LYSMD3: variants seen among roughly 807,000 people sequenced by gnomAD.
LYSMD3 encodes LysM domain containing 3.
In LYSMD3, 13 loss-of-function variants were observed where a neutral mutation model predicts 26.1. The ratio of observed to expected loss-of-function variants is 0.50; its 90% CI spans 0.32 to 0.79. The LOEUF (loss-of-function observed/expected upper bound fraction) is 0.79. Among genes scored for constraint, LYSMD3 ranks in the 30% least tolerant of loss-of-function variants. LYSMD3 has a pLI of 0.03. For missense variants in LYSMD3, 331 were observed against 362.5 expected (o/e 0.91, Z 0.71); for synonymous variants, 109 against 119.4 (o/e 0.91, Z 0.57).
chr5:90,522,947 A>G (rs257850), intron 2 of LYSMD3, among the ~76,000 whole-genome samples: 90,320 of 152,020 alleles, frequency 0.59, 27,548 homozygotes, highest in African/African-American at 0.73. Context: ...TTCCCTAAGA[A>G]AATTTTCTAG....
At chr5:90,523,340 TAAG>T (rs1319912022) in intron 2 of LYSMD3, among the ~76,000 whole-genome samples, 1 of 151,872 alleles carries the variant, frequency 6.6e-6, no homozygotes, top group Non-Finnish European at 1.5e-5. Flanking sequence ...TGAATTGTAA[TAAG>T]AAATGTGAAT....
intron 1 of LYSMD3, 23 bp from the exon 2 acceptor site, chr5:90,525,323 A>T: frequency 6.4e-7 from 1 of 1,558,656 alleles, no homozygotes; most frequent in Non-Finnish European, 8.6e-7. Context: ...AAAAGCAGAG[A>T]AAATTTTGGA....
chr5:90,529,542 T>C lies in LYSMD3; in HGVS notation c.-106A>G. 4.4e-6 allele frequency: 2 copies of C among 456,588 alleles called. No individual in the cohort carries two copies. Among genetic ancestry groups the C allele is most frequent in the Non-Finnish European group, 8.8e-6 (2 of 226,948 alleles). The allele number at this position is 456,588 out of a possible 1,614,324, so 28.3% of individuals were successfully genotyped here. On this transcript the variant is annotated 5_prime_UTR_variant, in exon 1 of 3. Coordinates refer to ENST00000315948, the MANE Select transcript of LYSMD3 (RefSeq NM_198273.2). ...TAAGTTCATGGCCGAGCCTCTGCTT[T>C]GGGCTGACCCCGTCCGCCTCCGCCT...
At chr5:90,520,921 A>C (rs79411200) in intron 2 of LYSMD3, among the ~76,000 whole-genome samples, 1 of 151,882 alleles carries the variant, frequency 6.6e-6, no homozygotes, top group African/African-American at 2.4e-5. Context: ...TCCATCTCAA[A>C]AAAAAAAAAA....
Position 90,529,568 on chromosome 5 carries a change from C to A in LYSMD3, c.-132G>T, listed in dbSNP as rs958531911. On this transcript the variant is annotated 5_prime_UTR_variant, in exon 1 of 3. Coordinates refer to ENST00000315948, the MANE Select transcript of LYSMD3 (RefSeq NM_198273.2). ...GGGCTGACCCCGTCCGCCTCCGCCTCTGCCGCCAACGTCTCCGCCTTCCGG... is the reference window on the plus strand; with the variant it reads ...GGGCTGACCCCGTCCGCCTCCGCCTATGCCGCCAACGTCTCCGCCTTCCGG... The A allele has an allele frequency of 1.5e-5, 7 of 456,146 alleles. No individual in the cohort carries two copies. The Admixed American group carries it at 1.6e-4, about 11-fold the overall frequency. The allele number at this position is 456,146 out of a possible 1,614,324, so 28.3% of individuals were successfully genotyped here.
intron 2 of LYSMD3, among the ~76,000 whole-genome samples, chr5:90,520,784 TG>T (rs1397413099): frequency 6.6e-6 from 1 of 151,906 alleles, no homozygotes; most frequent in Non-Finnish European, 1.5e-5. Context: ...CCAGGCATGG[TG>T]GTGCATGCCT....
In LYSMD3 at chr5:90,524,109, A is replaced by G. The variant is rs573242681; in HGVS notation, c.255+926T>C. 2.5e-4 allele frequency among the ~76,000 whole-genome samples: 38 copies of G among 152,328 alleles called. No homozygotes were observed. In the Middle Eastern group the frequency reaches 0.014, roughly 55 times the overall value. On this transcript the variant is annotated intron_variant, in intron 2 of 2. Transcript: ENST00000315948. ...TTGCCACACAAGGTAAAACACCAAG[A>G]AAATCCTGAGTATCAATTAATAGGG... is the stretch of plus-strand genomic sequence containing the variant.
intron 1 of LYSMD3, among the ~76,000 whole-genome samples, chr5:90,527,368 C>T (rs1227353848): frequency 6.6e-6 from 1 of 150,876 alleles, no homozygotes; most frequent in Non-Finnish European, 1.5e-5. Flanking sequence ...TGGTGATGTG[C>T]TTAGGTACCC....
chr5:90,520,980 G>A (rs529013511), intron 2 of LYSMD3, among the ~76,000 whole-genome samples: 4 of 151,710 alleles, frequency 2.6e-5, no homozygotes, highest in African/African-American at 9.7e-5. Context: ...ACTAGAAAAA[G>A]CCTGAGAGAA....
rs1338921529 is a variant in LYSMD3 at position 90,525,278 on chromosome 5, C to T, written c.12G>A (p.Arg4=). Residue 4 remains arginine, a synonymous_variant, in exon 2 of 3, where the codon AGG becomes AGA. Transcript: ENST00000315948. MAG[R]HQNRSFPLPG... The stretch of plus-strand genomic sequence containing the variant: ...GAAGAGGAAAACTACGATTCTGATG[C>T]CTCCCTGCCATAATGTTAAAATCTG... 6.3e-7 allele frequency: 1 copy of T among 1,598,540 alleles called. No individual in the cohort carries two copies. Among genetic ancestry groups the T allele is most frequent in the Admixed American group, 1.8e-5 (1 of 56,726 alleles).
At chr5:90,520,485 A>T (rs1753064392) in intron 2 of LYSMD3, 1 of 436,098 alleles carries the variant, frequency 2.3e-6, no homozygotes, top group Non-Finnish European at 4.7e-6. Context: ...AAAGAGGCTA[A>T]ATGCAGATTT....
intron 2 of LYSMD3, among the ~76,000 whole-genome samples, chr5:90,521,497 G>A (rs1183130219): frequency 1.3e-5 from 2 of 151,922 alleles, no homozygotes; most frequent in African/African-American, 2.4e-5. Context: ...TGGGGGGATT[G>A]GAAGGAAAGG....
Position 90,519,279 on chromosome 5 carries a change from C to T in LYSMD3, c.461G>A (p.Ser154Asn), listed in dbSNP as rs1381687058. Reference sequence around the variant, plus strand: ...TTTTAAAAAGCTACCAGCTGAGTCACTGTAAGCAAGAGAATCATTAGCTGG... The same window carrying T: ...TTTTAAAAAGCTACCAGCTGAGTCATTGTAAGCAAGAGAATCATTAGCTGG... Reference protein sequence around the residue: ...ILPANDSLAYSDSAGSFLKEV... With the variant: ...ILPANDSLAYNDSAGSFLKEV... Residue 154 changes from serine to asparagine, a missense_variant, in exon 3 of 3, where the codon AGT becomes AAT. Around this residue, in one of 3 missense-constraint regions of LYSMD3, gnomAD observed 262 missense variants for 267.3 expected, o/e 0.98. Transcript: ENST00000315948. 1 of 1,614,018 alleles carries T rather than the reference C, an allele frequency of 6.2e-7. No homozygotes were observed. The highest frequency in any genetic ancestry group is 1.7e-5 in the Admixed American group (1 of 60,026).
In LYSMD3 at chr5:90,518,120, G is replaced by GT. The variant is rs1752993290; in HGVS notation, c.*698dup. 6.6e-6 allele frequency: 1 copy of GT among 152,166 alleles called. No individual in the cohort carries two copies. Among genetic ancestry groups the GT allele is most frequent in the Non-Finnish European group, 1.5e-5 (1 of 67,946 alleles). 9.4% of individuals were successfully genotyped at this position (152,166 alleles called of 1,614,324 possible). On this transcript the variant is annotated 3_prime_UTR_variant, in exon 3 of 3. Transcript: ENST00000315948. ...TTAAAAACAGATGCACAGAGGTGAG[G>GT]TTAAAGGGTCTGTCCTAAAGAAAGC...
At position 90,516,609 on chromosome 5, in the gene LYSMD3, T is replaced by C. The variant is rs755616472; in HGVS notation, c.*2210A>G. The C allele has an allele frequency of 7.2e-5, 11 of 152,244 alleles. No homozygotes were observed. The highest frequency in any genetic ancestry group is 1.3e-4 in the Admixed American group (2 of 15,266). 9.4% of individuals were successfully genotyped at this position (152,244 alleles called of 1,614,324 possible). A position where few individuals can be genotyped will look rare whatever the true frequency, so the allele number is the denominator to read the frequency against. ...CCAAATGTATTAAATGCTTAGAAAA[T>C]TCATTTCTTTCCTAAACAGATTAGA... On this transcript the variant is annotated 3_prime_UTR_variant, in exon 3 of 3. Coordinates refer to ENST00000315948, the MANE Select transcript of LYSMD3 (RefSeq NM_198273.2).
Position 90,519,357 on chromosome 5 carries a change from T to C in LYSMD3, c.383A>G (p.Gln128Arg). The part of the protein sequence containing the change: ...TETLCPPKGR[Q>R]TSRHSSVQYS... ...TTGAACAGATGAATGACGTGAAGTC[T>C]GTCTTCCTTTTGGAGGACAAAGTGT... The change falls in exon 3 of 3, where the codon CAG becomes CGG. Residue 128 changes from glutamine (Q) to arginine (R), a missense_variant. Around this residue, in one of 3 missense-constraint regions of LYSMD3, gnomAD observed 262 missense variants for 267.3 expected, o/e 0.98. Transcript: ENST00000315948. The C allele has an allele frequency of 6.2e-7, 1 of 1,614,162 alleles. No homozygotes were observed. Among genetic ancestry groups the C allele is most frequent in the Non-Finnish European group, 8.5e-7 (1 of 1,180,016 alleles).
chr5:90,516,434 A>G lies in LYSMD3; in HGVS notation c.*2385T>C, dbSNP rs886441466. On this transcript the variant is annotated 3_prime_UTR_variant, in exon 3 of 3. Coordinates refer to ENST00000315948, the MANE Select transcript of LYSMD3 (RefSeq NM_198273.2). ...CACACATGCAGACACACACACAGAC[A>G]CACATGTAAAGCAACAAATTCAAAG... is the stretch of plus-strand genomic sequence containing the variant. 1 of 152,142 alleles carries G rather than the reference A, an allele frequency of 6.6e-6. No individual in the cohort carries two copies. The highest frequency in any genetic ancestry group is 1.5e-5 in the Non-Finnish European group (1 of 67,976). The allele number at this position is 152,142 out of a possible 1,614,324, so 9.4% of individuals were successfully genotyped here. A position where few individuals can be genotyped will look rare whatever the true frequency, so the allele number is the denominator to read the frequency against.
At chr5:90,528,537 A>T (rs985233088) in intron 1 of LYSMD3, among the ~76,000 whole-genome samples, 32 of 152,226 alleles carry the variant, frequency 2.1e-4, no homozygotes, top group African/African-American at 7.5e-4. Context: ...AATGAAATGC[A>T]GGCAGCTGAC....
intron 1 of LYSMD3, among the ~76,000 whole-genome samples, chr5:90,525,777 T>C (rs576932801): frequency 6.6e-6 from 1 of 152,266 alleles, no homozygotes; most frequent in East Asian, 1.9e-4. Context: ...ACTGTTAAAG[T>C]AGAACAAACG....
Sources: gnomAD v4.1 joint callset for allele counts (sites outside exome capture counted in the v4.1 genomes callset) on GRCh38, gnomAD v4.1.1 for gene constraint, gnomAD v4.1.1 regional missense constraint, MANE v1.5 for transcripts, NCBI Gene and HGNC (gene_info 2026-07-23, HGNC 2026-07-21) for gene names.